Variants in AK1 observed in about 807,000 individuals in gnomAD.
AK1 encodes the protein adenylate kinase isoenzyme 1.
Under a neutral mutation model 23.9 loss-of-function variants are expected in AK1, and 13 were observed. The observed-to-expected ratio is 0.54, with a 90% confidence interval of 0.35 to 0.86. The LOEUF (loss-of-function observed/expected upper bound fraction) is 0.86, where lower values mean the gene tolerates loss of function less well. Among genes scored for constraint, AK1 ranks in the 40% least tolerant of loss-of-function variants. The pLI is 0.01. For synonymous variants in AK1, 97 were observed against 102.8 expected (o/e 0.94, Z 0.34); for missense variants, 214 against 255.1 (o/e 0.84, Z 1.10).
chr9:127,868,964 C>G lies in AK1; in HGVS notation c.325-452G>C, dbSNP rs1006285042. ...CCCCAGTACTCCCCGCCTCCTGGAACAGGCTCTTCCAGCGCCTTTATCTTT... is the reference window on the plus strand; with the variant it reads ...CCCCAGTACTCCCCGCCTCCTGGAAGAGGCTCTTCCAGCGCCTTTATCTTT... On this transcript the variant is annotated intron_variant, in intron 5 of 6. Transcript: ENST00000644144. This position sits in a 1 kb window ranked among gnomAD's most constrained non-coding sequence, Gnocchi z 4.1. Among the ~76,000 whole-genome samples the G allele has an allele frequency of 3.9e-5, 6 of 152,174 alleles. No individual in the cohort carries two copies. Among genetic ancestry groups the G allele is most frequent in the Non-Finnish European group, 7.3e-5 (5 of 68,032 alleles).
Position 127,868,069 on chromosome 9 carries a change from G to A in AK1, c.524C>T (p.Ala175Val). 1 of 1,614,108 alleles carries A rather than the reference G, an allele frequency of 6.2e-7. No individual in the cohort carries two copies. Among genetic ancestry groups the A allele is most frequent in the Non-Finnish European group, 8.5e-7 (1 of 1,179,962 alleles). Reference protein sequence around the residue: ...EKRGIVRKVNAEGSVDSVFSQ... With the variant: ...EKRGIVRKVNVEGSVDSVFSQ... The stretch of plus-strand genomic sequence containing the variant: ...GAAGACACTGTCCACGGAGCCCTCA[G>A]CGTTGACCTGTGGGGAGATGGGCCG... The change falls in exon 7 of 7, where the codon GCT becomes GTT. Residue 175 changes from alanine (A) to valine (V), a missense_variant. Coordinates refer to ENST00000644144, the MANE Select transcript of AK1 (RefSeq NM_000476.3). The surrounding 1 kb of genome is among the most constrained non-coding windows in gnomAD (Gnocchi z 4.1).
intron 1 of AK1, among the ~76,000 whole-genome samples, chr9:127,875,520 C>T (rs116527635): frequency 0.01 from 1,559 of 151,626 alleles, 28 homozygotes; most frequent in African/African-American, 0.036. Context: ...CCAGCCTTGA[C>T]CTCCAGCCAG....
Position 127,871,860 on chromosome 9 carries a change from G to T in AK1, c.287C>A (p.Pro96Gln). 1 of 1,614,028 alleles carries T rather than the reference G, an allele frequency of 6.2e-7. No homozygotes were observed. Among genetic ancestry groups the T allele is most frequent in the Non-Finnish European group, 8.5e-7 (1 of 1,179,994 alleles). ...TSKGFLIDGY[P>Q]REVQQGEEFE... is the part of the protein sequence containing the mutation. ...CTCTTCTCCTTGCTGCACCTCCCGC[G>T]GGTAGCCATCAATCAGGAAGCCTTT... Residue 96 changes from proline to glutamine, a missense_variant, in exon 5 of 7, where the codon CCG (proline) becomes CAG (glutamine). By Grantham distance (76) the Pro-to-Gln change is moderately conservative (BLOSUM62 -1). Coordinates refer to ENST00000644144, the MANE Select transcript of AK1 (RefSeq NM_000476.3). This position sits in a 1 kb window ranked among gnomAD's most constrained non-coding sequence, Gnocchi z 4.4.
chr9:127,876,853 T>C (rs2131416527), intron 1 of AK1, among the ~76,000 whole-genome samples: 1 of 152,264 alleles, frequency 6.6e-6, no homozygotes, highest in African/African-American at 2.4e-5. Context: ...CTAATATGAC[T>C]GGATGGTCTG....
At chr9:127,874,792 GC>G in intron 1 of AK1, 143 bp from the exon 2 acceptor site, 1 of 803,014 alleles carries the variant, frequency 1.2e-6, no homozygotes, top group Non-Finnish European at 2.0e-6. Context: ...GGCAGGGAAG[GC>G]CCAGGACCCC....
At chr9:127,873,816 A>T (rs1829475675) in intron 2 of AK1, 1 of 985,324 alleles carries the variant, frequency 1.0e-6, no homozygotes, top group Non-Finnish European at 1.2e-6. Context: ...GAAATAGAGG[A>T]CCAGGCTGTA....
At position 127,868,087 on chromosome 9, in the gene AK1, A is replaced by T. The variant is rs756817349; in HGVS notation, c.517-11T>A. ...GCCCTCAGCGTTGACCTGTGGGGAG[A>T]TGGGCCGTGAGGGCTGAGTCACCAG... On this transcript the variant is annotated splice_polypyrimidine_tract_variant and intron_variant, in intron 6 of 6. Coordinates refer to ENST00000644144, the MANE Select transcript of AK1 (RefSeq NM_000476.3). This position sits in a 1 kb window ranked among gnomAD's most constrained non-coding sequence, Gnocchi z 4.1. 4.3e-6 allele frequency: 7 copies of T among 1,613,676 alleles called. No individual in the cohort carries two copies. Among genetic ancestry groups the T allele is most frequent in the Non-Finnish European group, 5.9e-6 (7 of 1,179,832 alleles).
At chr9:127,876,958 C>T (rs1286155485) in intron 1 of AK1, among the ~76,000 whole-genome samples, 1 of 152,236 alleles carries the variant, frequency 6.6e-6, no homozygotes, top group African/African-American at 2.4e-5. Flanking sequence ...CAGCTTCTGA[C>T]CCAACGTAGT....
intron 5 of AK1, among the ~76,000 whole-genome samples, chr9:127,869,100 A>G (rs1179276078): frequency 6.6e-6 from 1 of 152,170 alleles, no homozygotes; most frequent in African/African-American, 2.4e-5. Context: ...GGGGCTGCTG[A>G]GTCCTGGGGG....
Position 127,872,807 on chromosome 9 carries a change from C to T in AK1, c.90G>A (p.Gln30=), listed in dbSNP as rs141933637. ...TGGAGAGGTGGGTGTAGCCATACTTCTGCACGATCTTCTCACACTGGGTGC... is the reference window on the plus strand; with the variant it reads ...TGGAGAGGTGGGTGTAGCCATACTTTTGCACGATCTTCTCACACTGGGTGC... ...GKGTQCEKIV[Q]KYGYTHLSTG... is the part of the protein sequence containing the mutation. Residue 30 remains glutamine, a synonymous_variant, in exon 4 of 7, where the codon CAG becomes CAA. Coordinates refer to ENST00000644144, the MANE Select transcript of AK1 (RefSeq NM_000476.3). 6.2e-7 allele frequency: 1 copy of T among 1,614,132 alleles called. No individual in the cohort carries two copies. Among genetic ancestry groups the T allele is most frequent in the Non-Finnish European group, 8.5e-7 (1 of 1,180,024 alleles).
At chr9:127,873,668 T>G (rs1829472474) in intron 2 of AK1, 1 of 1,367,396 alleles carries the variant, frequency 7.3e-7, no homozygotes, top group Non-Finnish European at 9.4e-7. Context: ...CGCCTGCTGT[T>G]AGATCCCAGC....
intron 5 of AK1, among the ~76,000 whole-genome samples, chr9:127,870,429 C>T (rs1197653640): frequency 6.6e-6 from 1 of 152,126 alleles, no homozygotes; most frequent in Non-Finnish European, 1.5e-5. Context: ...TTGACCCTGA[C>T]CTCAAGTGAT....
intron 2 of AK1, chr9:127,873,821 G>A: frequency 1.0e-6 from 1 of 985,460 alleles, no homozygotes; most frequent in Non-Finnish European, 1.2e-6. Flanking sequence ...AGAGGACCAG[G>A]CTGTATCCCA....
intron 5 of AK1, among the ~76,000 whole-genome samples, chr9:127,870,893 C>G (rs1198231014): frequency 2.7e-5 from 4 of 147,012 alleles, no homozygotes; most frequent in Non-Finnish European, 4.4e-5. Flanking sequence ...TAGGCTCCCC[C>G]TAGCCCTTGC....
Position 127,873,055 on chromosome 9 carries a change from A to G in AK1, c.14T>C (p.Leu5Pro), listed in dbSNP as rs764795620. 1.1e-5 allele frequency: 18 copies of G among 1,614,000 alleles called. 1 individual carries two copies. In the South Asian group the frequency reaches 2.0e-4, roughly 18 times the overall value. ...CACAAAGATGATCTTGGTTTTCTTC[A>G]GCTTCTCTGCGGGAGAGAAAAGGGG... is the stretch of plus-strand genomic sequence containing the variant. MEEK[L>P]KKTKIIFVVG... The change falls in exon 3 of 7, where the codon CTG becomes CCG. Residue 5 changes from leucine to proline, a missense_variant. Coordinates refer to ENST00000644144, the MANE Select transcript of AK1 (RefSeq NM_000476.3).
intron 1 of AK1, among the ~76,000 whole-genome samples, chr9:127,875,484 C>A (rs537978042): frequency 6.6e-6 from 1 of 151,822 alleles, no homozygotes; most frequent in East Asian, 1.9e-4. Context: ...CAAGGCCACT[C>A]GCAACCACCA....
At chr9:127,873,335 C>T in intron 2 of AK1, 2 of 1,544,554 alleles carry the variant, frequency 1.3e-6, no homozygotes, top group Admixed American at 3.9e-5. Context: ...AGCCAGCGGG[C>T]TGGGCCGCCA....
chr9:127,874,766 A>G lies in AK1; in HGVS notation c.-32-117T>C, dbSNP rs369944236. The G allele has an allele frequency of 7.2e-4, 747 of 1,030,436 alleles. 12 individuals are homozygous for G. In the South Asian group the frequency reaches 9.8e-3, roughly 13 times the overall value. 63.8% of individuals were successfully genotyped at this position (1,030,436 alleles called of 1,614,324 possible). A position where few individuals can be genotyped will look rare whatever the true frequency, so the allele number is the denominator to read the frequency against. Reference sequence around the variant, plus strand: ...CAGGCCCGACATGCAGTCTGAGGGCAGAGGGGGCTGCTGGGGGCAGGGAAG... The same window carrying G: ...CAGGCCCGACATGCAGTCTGAGGGCGGAGGGGGCTGCTGGGGGCAGGGAAG... On this transcript the variant is annotated intron_variant, in intron 1 of 6. Transcript: ENST00000644144.
chr9:127,868,234 G>A lies in AK1; in HGVS notation c.516+87C>T. ...GGGAAACCAAGGCCCAGAGAGAGGG[G>A]CTGGCCTGAGGCCACACAGTGAGCT... On this transcript the variant is annotated intron_variant, in intron 6 of 6. Coordinates refer to ENST00000644144, the MANE Select transcript of AK1 (RefSeq NM_000476.3). This position sits in a 1 kb window ranked among gnomAD's most constrained non-coding sequence, Gnocchi z 4.1. 1 of 1,464,692 alleles carries A rather than the reference G, an allele frequency of 6.8e-7. No homozygotes were observed. Among genetic ancestry groups the A allele is most frequent in the East Asian group, 2.5e-5 (1 of 40,616 alleles). 90.7% of individuals were successfully genotyped at this position (1,464,692 alleles called of 1,614,324 possible).
Sources: gnomAD v4.1 joint callset for allele counts (sites outside exome capture counted in the v4.1 genomes callset) on GRCh38, gnomAD v4.1.1 for gene constraint, Gnocchi (gnomAD v3.1) non-coding constraint, MANE v1.5 for transcripts, NCBI Gene and HGNC (gene_info 2026-07-23, HGNC 2026-07-21) for gene names.